Variants in AIG1 observed in about 807,000 individuals in gnomAD.
AIG1 encodes androgen-induced gene 1 protein.
In AIG1, 23 loss-of-function variants were observed where a neutral mutation model predicts 31.4. The ratio of observed to expected loss-of-function variants is 0.73; its 90% confidence interval spans 0.53 to 1.04. AIG1 has a LOEUF of 1.04. AIG1 is among the 50% of genes least tolerant of loss of function. The probability of loss-of-function intolerance (pLI) is 0.00; values close to 1 mark genes in which losing one functional copy is unlikely to be tolerated. For missense variants in AIG1, 274 were observed against 295.0 expected, an observed-to-expected ratio of 0.93 and a Z score of 0.52; for synonymous variants, 100 against 110.5, an observed-to-expected ratio of 0.90 and a Z score of 0.60.
intron 3 of AIG1, among the ~76,000 whole-genome samples, chr6:143,221,640 A>G (rs1322521729): frequency 1.3e-5 from 2 of 152,182 alleles, no homozygotes. Flanking sequence ...CTGGGAAAAT[A>G]GCATAGGCCC....
At chr6:143,110,302 T>G (rs1018398123) in intron 1 of AIG1, among the ~76,000 whole-genome samples, 1 of 152,262 alleles carries the variant, frequency 6.6e-6, no homozygotes, top group Admixed American at 6.5e-5. Context: ...TTTTTATTCT[T>G]GAGCTTTTGC....
At chr6:143,317,744 C>T (rs1775885442) in intron 4 of AIG1, among the ~76,000 whole-genome samples, 1 of 151,890 alleles carries the variant, frequency 6.6e-6, no homozygotes. Flanking sequence ...CCTAGAAAAC[C>T]TTAACGACTC....
At chr6:143,225,373 CAT>C (rs139012532) in intron 3 of AIG1, among the ~76,000 whole-genome samples, 4,819 of 152,286 alleles carry the variant, frequency 0.032, 110 homozygotes, top group Non-Finnish European at 0.05. Context: ...ATAATTCACA[CAT>C]GAGAGGAATT....
chr6:143,336,268 T>C (rs1325299303), intron 5 of AIG1, among the ~76,000 whole-genome samples: 1 of 152,202 alleles, frequency 6.6e-6, no homozygotes, highest in Non-Finnish European at 1.5e-5. Flanking sequence ...CTTGGGTAAC[T>C]TATGTTAGCT....
At chr6:143,294,768 A>G (rs1798306748) in intron 4 of AIG1, among the ~76,000 whole-genome samples, 3 of 151,648 alleles carry the variant, frequency 2.0e-5, no homozygotes, top group Non-Finnish European at 4.4e-5. Context: ...TTCCTGATAC[A>G]CTCTGTTCCT....
At position 143,085,932 on chromosome 6, in the gene AIG1, A is replaced by G. The variant is rs1778735044; in HGVS notation, c.141+24866A>G. Among the ~76,000 whole-genome samples the G allele has an allele frequency of 3.9e-5, 6 of 152,250 alleles. No individual in the cohort carries two copies. The South Asian group carries it at 1.2e-3, about 31-fold the overall frequency. On this transcript the variant is annotated intron_variant, in intron 1 of 5. Transcript: ENST00000357847. ...AATCTGCTGGGTTAAGGGAATTTTC[A>G]GTGATTAATGTTAAATCAACTTTTT...
intron 3 of AIG1, chr6:143,188,979 C>A (rs1189137973): frequency 3.0e-6 from 3 of 984,690 alleles, no homozygotes; most frequent in East Asian, 2.3e-4. Flanking sequence ...AGCCATGCAA[C>A]TGAGATAAAA....
At chr6:143,146,291 CA>C (rs934469721) in intron 2 of AIG1, among the ~76,000 whole-genome samples, 23 of 152,042 alleles carry the variant, frequency 1.5e-4, no homozygotes, top group African/African-American at 5.3e-4. Context: ...AATTTGAGAT[CA>C]AAAAAAGGTA....
chr6:143,314,525 C>G (rs1775573074), intron 4 of AIG1, among the ~76,000 whole-genome samples: 1 of 152,080 alleles, frequency 6.6e-6, no homozygotes, highest in African/African-American at 2.4e-5. Context: ...CCTATAACTA[C>G]AGTAAAGAGT....
chr6:143,335,163 C>A, intron 5 of AIG1: 2 of 1,334,334 alleles, frequency 1.5e-6, no homozygotes, highest in Non-Finnish European at 1.9e-6. Flanking sequence ...AAACTGCTGG[C>A]CTCCCCCAAC....
chr6:143,123,498 G>A (rs1349687057), intron 1 of AIG1, among the ~76,000 whole-genome samples: 2 of 151,822 alleles, frequency 1.3e-5, no homozygotes, highest in Admixed American at 6.6e-5. Flanking sequence ...TAATATTGTT[G>A]TTTCTTTCAT....
chr6:143,142,979 G>A (rs576351912), intron 2 of AIG1, among the ~76,000 whole-genome samples: 1 of 152,256 alleles, frequency 6.6e-6, no homozygotes, highest in African/African-American at 2.4e-5. Flanking sequence ...GTTTTGAGAT[G>A]CATATAAATT....
intron 3 of AIG1, among the ~76,000 whole-genome samples, chr6:143,275,710 G>C (rs1796843683): frequency 6.6e-6 from 1 of 152,086 alleles, no homozygotes; most frequent in Admixed American, 6.5e-5. Flanking sequence ...ATCTTTCCTT[G>C]ACATAACCAA....
chr6:143,162,348 A>G (rs1786463009), intron 2 of AIG1, among the ~76,000 whole-genome samples: 1 of 152,266 alleles, frequency 6.6e-6, no homozygotes, highest in Non-Finnish European at 1.5e-5. Context: ...CTCCCCAAAC[A>G]GTCACCATGA....
At chr6:143,185,142 G>A (rs572112170) in intron 3 of AIG1, among the ~76,000 whole-genome samples, 60 of 151,022 alleles carry the variant, frequency 4.0e-4, no homozygotes, top group Non-Finnish European at 6.8e-4. Flanking sequence ...GTTGCAGTGA[G>A]CTGAGATTGT....
intron 1 of AIG1, among the ~76,000 whole-genome samples, chr6:143,114,213 A>G (rs1781549370): frequency 1.3e-5 from 2 of 152,230 alleles, no homozygotes; most frequent in Non-Finnish European, 2.9e-5. Flanking sequence ...CTGAGCTTTC[A>G]AAACACATAT....
chr6:143,218,669 A>C (rs4896623), intron 3 of AIG1, among the ~76,000 whole-genome samples: 82,149 of 152,022 alleles, frequency 0.54, 24,080 homozygotes, highest in African/African-American at 0.76. Flanking sequence ...TTCTTATGAT[A>C]CAAGATGGCG....
At chr6:143,210,752 A>G (rs1791521520) in intron 3 of AIG1, among the ~76,000 whole-genome samples, 1 of 152,208 alleles carries the variant, frequency 6.6e-6, no homozygotes, top group Non-Finnish European at 1.5e-5. Context: ...TAGAGAAAAT[A>G]CGTAGAGAGA....
At chr6:143,098,590 A>T (rs543977009) in intron 1 of AIG1, among the ~76,000 whole-genome samples, 4 of 152,296 alleles carry the variant, frequency 2.6e-5, no homozygotes, top group Admixed American at 6.5e-5. Context: ...TGGTCCCCCA[A>T]ATTTATATTT....
Sources: gnomAD v4.1 joint callset for allele counts (sites outside exome capture counted in the v4.1 genomes callset) on GRCh38, gnomAD v4.1.1 for gene constraint, MANE v1.5 for transcripts, NCBI Gene and HGNC (gene_info 2026-07-23, HGNC 2026-07-21) for gene names.